Variants in GSKIP observed in about 807,000 individuals in gnomAD.
GSKIP encodes GSK3B-interacting protein.
In GSKIP, 5 loss-of-function variants were observed where a neutral mutation model predicts 11.9. That is an observed-to-expected ratio of 0.42 (90% confidence interval 0.22 to 0.89). The LOEUF (loss-of-function observed/expected upper bound fraction) is 0.89, where lower values mean the gene tolerates loss of function less well. Ranked by LOEUF, GSKIP falls within the 40% of genes least tolerant of loss-of-function variation. The pLI, the probability that GSKIP is intolerant of heterozygous loss-of-function variation, is 0.29. For synonymous variants in GSKIP, 70 were observed against 62.9 expected (o/e 1.11, Z -0.54); for missense variants, 150 against 166.6 (o/e 0.90, Z 0.55).
chr14:96,382,753 C>T lies in GSKIP; in HGVS notation c.258+248C>T, dbSNP rs145655027. 7.1e-3 allele frequency among the ~76,000 whole-genome samples: 1,075 copies of T among 151,978 alleles called. 10 individuals carry two copies. The highest frequency in any genetic ancestry group is 0.038 in the Middle Eastern group (11 of 292). ...GGCGTGACTTTGTTTTAATCATGACCCCCAAAACTAATTTATTTCTCATCT... is the reference window on the plus strand; with the variant it reads ...GGCGTGACTTTGTTTTAATCATGACTCCCAAAACTAATTTATTTCTCATCT... On this transcript the variant is annotated intron_variant, in intron 3 of 3. Coordinates refer to ENST00000555181, the MANE Select transcript of GSKIP (RefSeq NM_016472.5).
At chr14:96,364,916 A>C (rs1230896636) in intron 1 of GSKIP, 1 of 152,224 alleles carries the variant, frequency 6.6e-6, no homozygotes, top group Admixed American at 6.5e-5. Flanking sequence ...AGTGCCTGCA[A>C]TTTCAAATAT....
chr14:96,384,008 C>T (rs1046175592), intron 3 of GSKIP, among the ~76,000 whole-genome samples: 3 of 152,084 alleles, frequency 2.0e-5, no homozygotes, highest in Non-Finnish European at 4.4e-5. Flanking sequence ...GTGAGTCCGT[C>T]TACCCCTGAG....
intron 1 of GSKIP, among the ~76,000 whole-genome samples, chr14:96,377,936 A>T (rs980294795): frequency 3.9e-5 from 6 of 152,240 alleles, no homozygotes; most frequent in African/African-American, 1.4e-4. Flanking sequence ...AATACAAAGC[A>T]TGAAACCTAT....
intron 1 of GSKIP, among the ~76,000 whole-genome samples, chr14:96,373,924 A>G (rs1245745078): frequency 6.6e-6 from 1 of 152,248 alleles, no homozygotes; most frequent in Non-Finnish European, 1.5e-5. Context: ...TAATATAAAA[A>G]CATTCAGCAC....
At chr14:96,367,910 T>C (rs1265905464) in intron 1 of GSKIP, among the ~76,000 whole-genome samples, 1 of 152,202 alleles carries the variant, frequency 6.6e-6, no homozygotes, top group Non-Finnish European at 1.5e-5. Flanking sequence ...AGAATATTGC[T>C]CAGGATCTGG....
chr14:96,380,395 G>A (rs1889313436), intron 2 of GSKIP: 1 of 152,182 alleles, frequency 6.6e-6, no homozygotes, highest in Non-Finnish European at 1.5e-5. Context: ...AGGAACTCCA[G>A]CTTCTTAAGA....
intron 1 of GSKIP, among the ~76,000 whole-genome samples, chr14:96,376,528 AT>A (rs1381046652): frequency 6.6e-6 from 1 of 152,186 alleles, no homozygotes; most frequent in Non-Finnish European, 1.5e-5. Flanking sequence ...TTTTCTGCCT[AT>A]TTACCTTATT....
chr14:96,372,837 C>T (rs951326524), intron 1 of GSKIP, among the ~76,000 whole-genome samples: 1 of 152,182 alleles, frequency 6.6e-6, no homozygotes, highest in Non-Finnish European at 1.5e-5. Context: ...TCACAGAAAG[C>T]AAGGACTGTG....
intron 1 of GSKIP, among the ~76,000 whole-genome samples, chr14:96,365,701 G>T (rs925762680): frequency 6.6e-6 from 1 of 152,098 alleles, no homozygotes; most frequent in East Asian, 1.9e-4. Context: ...AGGTGTGATG[G>T]CGTGCACCTG....
intron 1 of GSKIP, among the ~76,000 whole-genome samples, chr14:96,373,561 G>A (rs1173612902): frequency 6.6e-6 from 1 of 151,568 alleles, no homozygotes; most frequent in Non-Finnish European, 1.5e-5. Flanking sequence ...AACTGTGAGT[G>A]TATTTTCATG....
chr14:96,369,470 C>G (rs1416168650), intron 1 of GSKIP, among the ~76,000 whole-genome samples: 3 of 152,174 alleles, frequency 2.0e-5, no homozygotes, highest in African/African-American at 4.8e-5. Flanking sequence ...TAGGCTGTCC[C>G]TCTCATCACA....
chr14:96,367,328 CCA>C (rs1317428914), intron 1 of GSKIP, among the ~76,000 whole-genome samples: 4 of 152,130 alleles, frequency 2.6e-5, no homozygotes, highest in African/African-American at 9.7e-5. Flanking sequence ...AATTCTAGCC[CCA>C]GTCAGTCTGC....
In GSKIP at chr14:96,386,234, G is replaced by C. The variant is rs1364293708; in HGVS notation, c.*550G>C. On this transcript the variant is annotated 3_prime_UTR_variant, in exon 4 of 4. Coordinates refer to ENST00000555181, the MANE Select transcript of GSKIP (RefSeq NM_016472.5). ...TTACTAATAATGGATTAATAAAGAT[G>C]AATTAATTATATATTACTTAACTAG... The C allele has an allele frequency of 6.6e-6, 1 of 152,310 alleles. No individual in the cohort carries two copies. Among genetic ancestry groups the C allele is most frequent in the Non-Finnish European group, 1.5e-5 (1 of 68,034 alleles). The allele number at this position is 152,310 out of a possible 1,614,324, so 9.4% of individuals were successfully genotyped here.
At chr14:96,382,927 GA>G (rs1353048309) in intron 3 of GSKIP, among the ~76,000 whole-genome samples, 11 of 152,092 alleles carry the variant, frequency 7.2e-5, no homozygotes, top group African/African-American at 2.7e-4. Context: ...CCAACTCTGA[GA>G]TCAGAAATAA....
At chr14:96,366,736 A>G (rs1027714533) in intron 1 of GSKIP, among the ~76,000 whole-genome samples, 98 of 152,302 alleles carry the variant, frequency 6.4e-4, no homozygotes, top group African/African-American at 2.4e-3. Flanking sequence ...TCAAAAAATA[A>G]TAATAAATTT....
chr14:96,376,301 A>G (rs1889201597), intron 1 of GSKIP, among the ~76,000 whole-genome samples: 1 of 152,008 alleles, frequency 6.6e-6, no homozygotes, highest in Admixed American at 6.6e-5. Context: ...TTTTAGCCCG[A>G]CTAGTTCCTG....
intron 2 of GSKIP, among the ~76,000 whole-genome samples, chr14:96,381,613 T>G (rs1427393933): frequency 1.3e-5 from 2 of 152,232 alleles, no homozygotes; most frequent in Non-Finnish European, 2.9e-5. Flanking sequence ...TTCTGCTTAT[T>G]GCAACTGTAT....
intron 1 of GSKIP, among the ~76,000 whole-genome samples, chr14:96,367,826 TCAGGTGATACAACCTAC>T (rs1888933725): frequency 6.6e-6 from 1 of 152,216 alleles, no homozygotes; most frequent in African/African-American, 2.4e-5. Context: ...AAACTTTACA[TCAGGTGATACAACCTAC>T]CAGAATAAAT....
chr14:96,376,235 CCT>C (rs1358404968), intron 1 of GSKIP, among the ~76,000 whole-genome samples: 1 of 152,112 alleles, frequency 6.6e-6, no homozygotes, highest in African/African-American at 2.4e-5. Flanking sequence ...AAATCAAATT[CCT>C]CTCTCTAGGT....
Sources: allele counts gnomAD v4.1 joint callset (sites outside exome capture counted in the v4.1 genomes callset), GRCh38; gene constraint gnomAD v4.1.1; transcripts MANE v1.5; gene names NCBI Gene and HGNC (gene_info 2026-07-23, HGNC 2026-07-21).